Variants in SHANK2 observed in about 807,000 individuals in gnomAD.
SHANK2 encodes the protein SH3 and multiple ankyrin repeat domains protein 2.
In SHANK2, 43 loss-of-function variants were observed where a neutral mutation model predicts 133.7. The observed-to-expected ratio is 0.32, with a 90% CI of 0.25 to 0.41. The LOEUF is 0.41. SHANK2 is among the 10% of genes least tolerant of loss of function. The pLI is 1.00. For missense variants in SHANK2, 1,994 were observed against 2,235.8 expected, an observed-to-expected ratio of 0.89 and a Z score of 2.18; for synonymous variants, 1,017 against 952.8, an observed-to-expected ratio of 1.07 and a Z score of -1.24.
intron 14 of SHANK2, among the ~76,000 whole-genome samples, chr11:70,797,832 TACACACACACACACACACAC>T (rs368707688): frequency 2.1e-5 from 3 of 142,040 alleles, no homozygotes; most frequent in South Asian, 2.4e-4. Flanking sequence ...TCCACTCTCA[TACACACACACACACACACAC>T]ACACACACAC....
intron 1 of SHANK2, among the ~76,000 whole-genome samples, chr11:71,232,323 T>A (rs2135771808): frequency 6.6e-6 from 1 of 152,258 alleles, no homozygotes; most frequent in South Asian, 2.1e-4. Flanking sequence ...AACATCAGCA[T>A]CCCGGCCAAT....
At chr11:70,481,234 G>A (rs1393859366) in intron 25 of SHANK2, among the ~76,000 whole-genome samples, 1 of 152,222 alleles carries the variant, frequency 6.6e-6, no homozygotes, top group African/African-American at 2.4e-5. Context: ...ATGTACTAAA[G>A]AGAACTACTT....
At chr11:70,934,210 C>A in intron 10 of SHANK2, among the ~76,000 whole-genome samples, 1 of 118,502 alleles carries the variant, frequency 8.4e-6, no homozygotes, top group Non-Finnish European at 1.6e-5. Context: ...CCAGCCTGGG[C>A]AACAGAGCGG....
At chr11:70,692,415 C>G (rs1945308831) in intron 15 of SHANK2, among the ~76,000 whole-genome samples, 1 of 152,230 alleles carries the variant, frequency 6.6e-6, no homozygotes, top group Admixed American at 6.5e-5. Context: ...GGAAGCAGCT[C>G]TACTTTGCAA....
chr11:70,874,046 A>G (rs1949514564), intron 11 of SHANK2, among the ~76,000 whole-genome samples: 1 of 152,200 alleles, frequency 6.6e-6, no homozygotes, highest in South Asian at 2.1e-4. Context: ...TCCTCCATCT[A>G]GCCATCTATC....
chr11:71,127,172 T>A (rs1234309404), intron 3 of SHANK2, among the ~76,000 whole-genome samples: 3 of 152,174 alleles, frequency 2.0e-5, no homozygotes, highest in Admixed American at 2.0e-4. Context: ...GGGCTGACGA[T>A]GGGACTGAAT....
intron 25 of SHANK2, among the ~76,000 whole-genome samples, chr11:70,477,864 A>G (rs2058683408): frequency 6.6e-6 from 1 of 152,124 alleles, no homozygotes; most frequent in Non-Finnish European, 1.5e-5. Flanking sequence ...GATGATATTC[A>G]CTGGATCTTC....
At chr11:70,763,056 C>A (rs1269518817) in intron 14 of SHANK2, among the ~76,000 whole-genome samples, 5 of 152,188 alleles carry the variant, frequency 3.3e-5, no homozygotes, top group Admixed American at 3.3e-4. Context: ...CTTTCCCTGC[C>A]AAGGAGCCTG....
rs1384806875 is a variant in SHANK2 at position 70,533,536 on chromosome 11, C to T, written c.2062-30605G>A. On this transcript the variant is annotated intron_variant, in intron 17 of 25. Coordinates refer to ENST00000601538, the MANE Select transcript of SHANK2 (RefSeq NM_012309.5). ...CGGGGGCCCATGTCATCTGGCCCCT[C>T]CCCCTGCTTGCCTGGCGTTCCCTCT... 2.6e-5 allele frequency among the ~76,000 whole-genome samples: 4 copies of T among 152,336 alleles called. No individual in the cohort carries two copies. In the East Asian group the frequency reaches 5.8e-4, roughly 22 times the overall value.
chr11:71,199,315 A>G (rs918470534), intron 2 of SHANK2, among the ~76,000 whole-genome samples: 2 of 152,244 alleles, frequency 1.3e-5, no homozygotes, highest in Non-Finnish European at 2.9e-5. Context: ...AACAAGCCGC[A>G]TATTAAAATA....
At chr11:70,926,508 A>G (rs978541818) in intron 10 of SHANK2, among the ~76,000 whole-genome samples, 1 of 152,188 alleles carries the variant, frequency 6.6e-6, no homozygotes, top group Non-Finnish European at 1.5e-5. Flanking sequence ...GTTTCTCTAA[A>G]GTGTGTTTTC....
chr11:70,908,982 C>A (rs891775524), intron 10 of SHANK2, among the ~76,000 whole-genome samples: 1 of 152,136 alleles, frequency 6.6e-6, no homozygotes, highest in Admixed American at 6.5e-5. Flanking sequence ...TATCCTCTGT[C>A]CTGTGAAATA....
intron 17 of SHANK2, among the ~76,000 whole-genome samples, chr11:70,597,073 T>C (rs1211851682): frequency 6.6e-6 from 1 of 152,062 alleles, no homozygotes; most frequent in Admixed American, 6.5e-5. Context: ...AGCTGAATAA[T>C]TGTGCACCGG....
chr11:71,216,131 C>T (rs1045596433), intron 2 of SHANK2, among the ~76,000 whole-genome samples: 2 of 152,084 alleles, frequency 1.3e-5, no homozygotes, highest in Non-Finnish European at 1.5e-5. Context: ...GGAATCTACC[C>T]GAGAGAAACG....
intron 17 of SHANK2, among the ~76,000 whole-genome samples, chr11:70,536,903 T>C (rs1168645258): frequency 6.6e-6 from 1 of 152,168 alleles, no homozygotes; most frequent in Non-Finnish European, 1.5e-5. Context: ...CCAGTGTCTC[T>C]TGGTGAAGGA....
intron 2 of SHANK2, among the ~76,000 whole-genome samples, chr11:71,207,504 T>A (rs1008582795): frequency 3.3e-5 from 5 of 152,158 alleles, no homozygotes; most frequent in Non-Finnish European, 7.4e-5. Context: ...TTTCTAACAG[T>A]CTCAGATAGG....
At chr11:70,820,910 G>A (rs1948505901) in intron 11 of SHANK2, among the ~76,000 whole-genome samples, 1 of 152,196 alleles carries the variant, frequency 6.6e-6, no homozygotes, top group Non-Finnish European at 1.5e-5. Context: ...CATCTCCACG[G>A]CACGGAGCTC....
chr11:70,666,826 T>A (rs1049657469), intron 15 of SHANK2, among the ~76,000 whole-genome samples: 1 of 151,742 alleles, frequency 6.6e-6, no homozygotes, highest in Admixed American at 6.6e-5. Flanking sequence ...ATCCTCTGAG[T>A]ATCTCCATGC....
chr11:71,132,099 C>T (rs1387625408), intron 3 of SHANK2, among the ~76,000 whole-genome samples: 29 of 152,204 alleles, frequency 1.9e-4, no homozygotes, highest in South Asian at 4.1e-4. Context: ...GCAGGTGAGG[C>T]TGCTGCCGGG....
Sources: gnomAD v4.1 joint callset for allele counts (sites outside exome capture counted in the v4.1 genomes callset) on GRCh38, gnomAD v4.1.1 for gene constraint, MANE v1.5 for transcripts, NCBI Gene and HGNC (gene_info 2026-07-23, HGNC 2026-07-21) for gene names.